Variants in F2 observed in about 807,000 individuals in gnomAD.
F2 encodes the protein coagulation factor II, thrombin.
Under a neutral mutation model 81.9 loss-of-function variants are expected in F2, and 34 were observed. That is an observed-to-expected ratio of 0.42 (90% confidence interval 0.32 to 0.55). The LOEUF (loss-of-function observed/expected upper bound fraction) is 0.55. F2 is among the 20% of genes least tolerant of loss of function. F2 has a pLI of 0.18. For missense variants in F2, 630 were observed against 833.4 expected (o/e 0.76, Z 3.00); for synonymous variants, 296 against 326.4 (o/e 0.91, Z 1.01).
At position 46,719,942 on chromosome 11, in the gene F2, G is replaced by T; in HGVS notation, c.240+80G>T. The T allele has an allele frequency of 1.3e-6, 2 of 1,512,604 alleles. No individual in the cohort carries two copies. Among genetic ancestry groups the T allele is most frequent in the Non-Finnish European group, 8.9e-7 (1 of 1,124,776 alleles). 93.7% of individuals were successfully genotyped at this position (1,512,604 alleles called of 1,614,324 possible). On this transcript the variant is annotated intron_variant, in intron 2 of 13. Coordinates refer to ENST00000311907, the MANE Select transcript of F2 (RefSeq NM_000506.5). This position sits in a 1 kb window ranked among gnomAD's most constrained non-coding sequence, Gnocchi z 4.7. The stretch of plus-strand genomic sequence containing the variant: ...ACACTTCCACAGAGAAGCAAGCGAG[G>T]AACGCCACAGCCCCTTCGCTGCTCA...
At chr11:46,729,966 A>G (rs1390283746) in intron 12 of F2, among the ~76,000 whole-genome samples, 1 of 152,122 alleles carries the variant, frequency 6.6e-6, no homozygotes, top group Non-Finnish European at 1.5e-5. Flanking sequence ...ATCCATAAAC[A>G]GATCTAAAAC....
chr11:46,719,498 A>C lies in F2; in HGVS notation c.79+184A>C. 1 of 953,592 alleles carries C rather than the reference A, an allele frequency of 1.0e-6. No homozygotes were observed. Among genetic ancestry groups the C allele is most frequent in the East Asian group, 2.6e-5 (1 of 38,060 alleles). 59.1% of individuals were successfully genotyped at this position (953,592 alleles called of 1,614,324 possible). ...AAGAGAATGGCTGCTTCTCTCTTCC[A>C]ATATAGGGAGCAGGCTGGGGGCAAG... On this transcript the variant is annotated intron_variant, in intron 1 of 13. Coordinates refer to ENST00000311907, the MANE Select transcript of F2 (RefSeq NM_000506.5). This position sits in a 1 kb window ranked among gnomAD's most constrained non-coding sequence, Gnocchi z 4.7.
chr11:46,733,344 C>CA (rs896777061), intron 12 of F2, among the ~76,000 whole-genome samples: 19 of 152,168 alleles, frequency 1.2e-4, no homozygotes, highest in Admixed American at 9.8e-4. Context: ...GCCAGGGCTA[C>CA]AGGCACACAC....
chr11:46,733,005 A>G (rs542261606), intron 12 of F2, among the ~76,000 whole-genome samples: 1 of 152,278 alleles, frequency 6.6e-6, no homozygotes, highest in East Asian at 1.9e-4. Flanking sequence ...TAGTGGACAG[A>G]ACCAGAAAAA....
chr11:46,731,912 G>GTTTTTTTTTTTTTTTTTT (rs71042616), intron 12 of F2, among the ~76,000 whole-genome samples: 3 of 88,156 alleles, frequency 3.4e-5, no homozygotes, highest in African/African-American at 8.7e-5. Flanking sequence ...ACACTTTGAT[G>GTTTTTTTTTTTTTTTTTT]TTTTTTTTTT....
chr11:46,736,050 A>G (rs1194618384), intron 12 of F2, among the ~76,000 whole-genome samples: 1 of 151,436 alleles, frequency 6.6e-6, no homozygotes, highest in Admixed American at 6.6e-5. Flanking sequence ...TAAAATACAA[A>G]AAATTAGCCT....
chr11:46,732,919 A>C (rs999074819), intron 12 of F2, among the ~76,000 whole-genome samples: 4 of 152,136 alleles, frequency 2.6e-5, no homozygotes, highest in African/African-American at 9.7e-5. Flanking sequence ...TGTAGTCAAG[A>C]GTGGAATTTA....
rs370693897 is a variant in F2, at chr11:46,719,519, G to A, written c.80-183G>A. The A allele has an allele frequency of 2.1e-6, 2 of 935,038 alleles. No individual in the cohort carries two copies. The highest frequency in any genetic ancestry group is 3.3e-6 in the Non-Finnish European group (2 of 608,866). The allele number at this position is 935,038 out of a possible 1,614,324, so 57.9% of individuals were successfully genotyped here. A position where few individuals can be genotyped will look rare whatever the true frequency, so the allele number is the denominator to read the frequency against. On this transcript the variant is annotated intron_variant, in intron 1 of 13. Transcript: ENST00000311907. This position sits in a 1 kb window ranked among gnomAD's most constrained non-coding sequence, Gnocchi z 4.7. ...TTCCAATATAGGGAGCAGGCTGGGG[G>A]CAAGGGGCAGTGTAGGAGGGGCACA...
rs1056695467 is a variant in F2 at position 46,725,863 on chromosome 11, G to C, written c.564G>C (p.Gln188His). Residue 188 changes from glutamine to histidine, a missense_variant, in exon 7 of 14, where the codon CAG becomes CAC. Coordinates refer to ENST00000311907, the MANE Select transcript of F2 (RefSeq NM_000506.5). ...RQECSIPVCG[Q>H]DQVTVAMTPR... Reference sequence around the variant, plus strand: ...TCCTTGCCCCTCACCCACCAGGCCAGGATCAAGTCACTGTAGCGATGACTC... The same window carrying C: ...TCCTTGCCCCTCACCCACCAGGCCACGATCAAGTCACTGTAGCGATGACTC... 5 of 1,612,772 alleles carry C rather than the reference G, an allele frequency of 3.1e-6. No homozygotes were observed. Among genetic ancestry groups the C allele is most frequent in the Admixed American group, 1.7e-5 (1 of 60,034 alleles).
chr11:46,720,627 C>T, intron 3 of F2, 80 bp downstream of exon 3: 6 of 1,562,928 alleles, frequency 3.8e-6, no homozygotes, highest in East Asian at 2.2e-5. Context: ...GAATCTTCTG[C>T]TGCACCTAGC....
chr11:46,736,318 T>C (rs1009971010), intron 12 of F2, among the ~76,000 whole-genome samples: 2 of 152,270 alleles, frequency 1.3e-5, no homozygotes, highest in African/African-American at 4.8e-5. Context: ...CAAGTCTCCC[T>C]GTGCTGCCCA....
At chr11:46,732,793 G>A (rs3136526) in intron 12 of F2, among the ~76,000 whole-genome samples, 1 of 152,294 alleles carries the variant, frequency 6.6e-6, no homozygotes, top group Non-Finnish European at 1.5e-5. Context: ...GTGACTTGGG[G>A]AGATGTTCTG....
chr11:46,720,666 C>T, intron 3 of F2, 119 bp downstream of exon 3: 1 of 1,495,694 alleles, frequency 6.7e-7, no homozygotes, highest in Non-Finnish European at 9.3e-7. Flanking sequence ...TTCCCCACTC[C>T]TTCCTTGGTC....
Position 46,725,987 on chromosome 11 carries a change from CATG to C in F2, c.689_691del (p.His230_Gly231delinsArg). The C allele has an allele frequency of 6.2e-7, 1 of 1,613,984 alleles. No individual in the cohort carries two copies. The highest frequency in any genetic ancestry group is 1.3e-5 in the African/African-American group (1 of 75,060). ...CCAGGGGCGCCTGGCGGTGACCACA[CATG>C]GGCTCCCCTGCCTGGCCTGGGCCAG... On this transcript the variant is annotated inframe_deletion, in exon 7 of 14. Coordinates refer to ENST00000311907, the MANE Select transcript of F2 (RefSeq NM_000506.5).
At chr11:46,732,140 T>A (rs2064917013) in intron 12 of F2, among the ~76,000 whole-genome samples, 1 of 151,858 alleles carries the variant, frequency 6.6e-6, no homozygotes, top group South Asian at 2.1e-4. Flanking sequence ...GGTCTCGAAC[T>A]CCTGACCTTG....
chr11:46,720,629 G>C, intron 3 of F2, 82 bp downstream of exon 3: 2 of 1,564,188 alleles, frequency 1.3e-6, no homozygotes, highest in Non-Finnish European at 1.8e-6. Context: ...ATCTTCTGCT[G>C]CACCTAGCCA....
At chr11:46,735,123 A>G (rs1332787181) in intron 12 of F2, among the ~76,000 whole-genome samples, 1 of 152,096 alleles carries the variant, frequency 6.6e-6, no homozygotes, top group African/African-American at 2.4e-5. Context: ...ACCAGCCCAG[A>G]CAACATAGCA....
chr11:46,720,417 C>A (rs900247822), intron 2 of F2, 106 bp from the exon 3 acceptor site: 26 of 1,316,638 alleles, frequency 2.0e-5, no homozygotes, highest in Non-Finnish European at 2.7e-5. Context: ...GAGCCTGCCC[C>A]CTGCGTGACC....
intron 12 of F2, among the ~76,000 whole-genome samples, chr11:46,729,926 C>T (rs1397021643): frequency 6.8e-6 from 1 of 147,856 alleles, no homozygotes; most frequent in Non-Finnish European, 1.5e-5. Context: ...ATGTCTGTGC[C>T]CTCAGAGAGC....
Sources: gnomAD v4.1 joint callset for allele counts (sites outside exome capture counted in the v4.1 genomes callset) on GRCh38, gnomAD v4.1.1 for gene constraint, Gnocchi (gnomAD v3.1) non-coding constraint, MANE v1.5 for transcripts, NCBI Gene and HGNC (gene_info 2026-07-23, HGNC 2026-07-21) for gene names.